The following PPP4R1 variants were observed in gnomAD, a reference collection of about 807,000 sequenced individuals.
PPP4R1 encodes the protein protein phosphatase 4 regulatory subunit 1.
A neutral mutation model predicts 111.2 loss-of-function variants in PPP4R1; 42 were observed. That is an observed-to-expected ratio of 0.38 (90% CI 0.29 to 0.49). The LOEUF (loss-of-function observed/expected upper bound fraction) is 0.49, where lower values mean the gene tolerates loss of function less well. Among genes scored for constraint, PPP4R1 ranks in the 20% least tolerant of loss-of-function variants. The pLI is 0.97. For missense variants in PPP4R1, 1,012 were observed against 1,161.6 expected (o/e 0.87, Z 1.87); for synonymous variants, 409 against 405.5 (o/e 1.01, Z -0.10).
At position 9,588,240 on chromosome 18, in the gene PPP4R1, G is replaced by A; in HGVS notation, c.439-5C>T. ...TGCCTGACTTGTTTTCCTCACCTAG[G>A]AGAAAAATAACAACACAAAGAAAGT... On this transcript the variant is annotated splice_region_variant and splice_polypyrimidine_tract_variant and intron_variant, in intron 5 of 19. Transcript: ENST00000400556. 2 of 1,611,324 alleles carry A rather than the reference G, an allele frequency of 1.2e-6. No individual in the cohort carries two copies. The highest frequency in any genetic ancestry group is 8.5e-7 in the Non-Finnish European group (1 of 1,179,058).
At chr18:9,587,290 T>C (rs2067132904) in intron 6 of PPP4R1, 1 of 152,248 alleles carries the variant, frequency 6.6e-6, no homozygotes, top group African/African-American at 2.4e-5. Flanking sequence ...AGGTACACTT[T>C]CCTTTGTAAG....
intron 15 of PPP4R1, among the ~76,000 whole-genome samples, chr18:9,556,168 A>G (rs2066580109): frequency 6.6e-6 from 1 of 150,896 alleles, no homozygotes; most frequent in South Asian, 2.1e-4. Flanking sequence ...TATGATCTAC[A>G]TAAAATATAA....
intron 10 of PPP4R1, among the ~76,000 whole-genome samples, chr18:9,575,888 G>C (rs2066928201): frequency 6.6e-6 from 1 of 152,206 alleles, no homozygotes; most frequent in African/African-American, 2.4e-5. Context: ...CAGAAGTTAT[G>C]TAACAGTCTT....
intron 16 of PPP4R1, chr18:9,551,380 C>T (rs944321254): frequency 3.5e-4 from 53 of 152,268 alleles, no homozygotes; most frequent in African/African-American, 1.1e-3. Context: ...GAAATCAGCT[C>T]GAATTGCAGT....
At position 9,577,210 on chromosome 18, in the gene PPP4R1, C is replaced by G; in HGVS notation, c.919-19G>C. ...GGCGAACCTAGGAAGATAAAAAGGA[C>G]AATAATAAAGGAATCATTTTGAAAA... On this transcript the variant is annotated intron_variant, in intron 9 of 19. Coordinates refer to ENST00000400556, the MANE Select transcript of PPP4R1 (RefSeq NM_001042388.3). The G allele has an allele frequency of 6.3e-7, 1 of 1,589,356 alleles. No individual in the cohort carries two copies. The highest frequency in any genetic ancestry group is 1.2e-5 in the South Asian group (1 of 86,398).
chr18:9,555,850 T>G (rs147418575), intron 15 of PPP4R1, among the ~76,000 whole-genome samples: 4 of 151,704 alleles, frequency 2.6e-5, no homozygotes, highest in East Asian at 1.9e-4. Context: ...ATCAGAAAAA[T>G]TTTAGGCCAG....
Position 9,577,109 on chromosome 18 carries a change from T to C in PPP4R1, c.1001A>G (p.Glu334Gly), listed in dbSNP as rs780567135. ...CATCTCTTCTGAACTTTTGCTTTCT[T>C]CTTTAAAATACTGGCCTGAGCTAGA... ...NPSSSGQYFK[E>G]ESKSSEEMSV... The change falls in exon 10 of 20, where the codon GAA becomes GGA. Residue 334 changes from glutamate to glycine, a missense_variant. Glu to Gly is a moderately conservative substitution (Grantham distance 98). Coordinates refer to ENST00000400556, the MANE Select transcript of PPP4R1 (RefSeq NM_001042388.3). 8 of 1,599,036 alleles carry C rather than the reference T, an allele frequency of 5.0e-6. No individual in the cohort carries two copies. The highest frequency in any genetic ancestry group is 6.0e-6 in the Non-Finnish European group (7 of 1,171,300).
At chr18:9,570,995 G>A (rs1175246193) in intron 10 of PPP4R1, among the ~76,000 whole-genome samples, 12 of 152,026 alleles carry the variant, frequency 7.9e-5, no homozygotes, top group Non-Finnish European at 1.8e-4. Context: ...AATAACTAAA[G>A]AAAAGTAGTG....
intron 11 of PPP4R1, among the ~76,000 whole-genome samples, chr18:9,564,337 ATTT>A (rs902218203): frequency 6.6e-6 from 1 of 152,226 alleles, no homozygotes; most frequent in African/African-American, 2.4e-5. Context: ...AAATTCAAAC[ATTT>A]TAAACAAAAC....
chr18:9,547,690 C>T lies in PPP4R1; in HGVS notation c.*99G>A. On this transcript the variant is annotated 3_prime_UTR_variant, in exon 20 of 20. Coordinates refer to ENST00000400556, the MANE Select transcript of PPP4R1 (RefSeq NM_001042388.3). The stretch of plus-strand genomic sequence containing the variant: ...AATGAAGTCCGCAGGAGAGGAAGGT[C>T]TCTCCTCCCCCGAAAGCTATCCCAG... The T allele has an allele frequency of 6.9e-7, 1 of 1,441,016 alleles. No homozygotes were observed. 89.3% of individuals were successfully genotyped at this position (1,441,016 alleles called of 1,614,324 possible).
intron 11 of PPP4R1, among the ~76,000 whole-genome samples, chr18:9,568,047 G>A (rs575524084): frequency 1.3e-3 from 194 of 152,176 alleles, no homozygotes; most frequent in African/African-American, 4.5e-3. Context: ...ATAAAATTCT[G>A]AGACTGGGTC....
intron 10 of PPP4R1, among the ~76,000 whole-genome samples, chr18:9,572,599 TA>T (rs1007630646): frequency 2.6e-5 from 4 of 152,152 alleles, no homozygotes; most frequent in Non-Finnish European, 5.9e-5. Context: ...ATACACACAA[TA>T]AAAGATGTTT....
chr18:9,563,258 T>TA, intron 12 of PPP4R1, 120 bp downstream of exon 12: 1 of 1,312,850 alleles, frequency 7.6e-7, no homozygotes, highest in Non-Finnish European at 1.0e-6. Flanking sequence ...AACGAAGAGC[T>TA]AAAAAATCAG....
upstream of PPP4R1, chr18:9,614,619 C>CGGGGCGGGCCGAG: frequency 2.6e-6 from 1 of 390,614 alleles, no homozygotes; most frequent in Non-Finnish European, 3.4e-6. The surrounding 1 kb of genome is among the most constrained non-coding windows in gnomAD (Gnocchi z 4.1). Flanking sequence ...GGCGCGCGCG[C>CGGGGCGGGCCGAG]GGGGCGGGCC....
intron 5 of PPP4R1, 138 bp downstream of exon 5, chr18:9,588,573 C>G (rs2067159344): frequency 9.1e-6 from 9 of 992,670 alleles, no homozygotes; most frequent in East Asian, 2.7e-5. Flanking sequence ...TTGTCAGACT[C>G]TAAACACATC....
intron 18 of PPP4R1, chr18:9,549,724 T>G: frequency 2.0e-6 from 1 of 489,266 alleles, no homozygotes; most frequent in Non-Finnish European, 3.7e-6. Context: ...CATGCATGTA[T>G]GTGCACTGTG....
At chr18:9,584,141 T>C (rs2067076898) in intron 8 of PPP4R1, among the ~76,000 whole-genome samples, 1 of 152,226 alleles carries the variant, frequency 6.6e-6, no homozygotes, top group Non-Finnish European at 1.5e-5. Context: ...TGGTGACTTA[T>C]ACATCAAGTA....
intron 2 of PPP4R1, among the ~76,000 whole-genome samples, 180 bp from the exon 3 acceptor site, chr18:9,595,333 A>G (rs748318828): frequency 6.6e-6 from 1 of 152,178 alleles, no homozygotes; most frequent in African/African-American, 2.4e-5. Context: ...TTTCCTACAG[A>G]TATGTTCTAC....
intron 16 of PPP4R1, among the ~76,000 whole-genome samples, chr18:9,552,453 C>G (rs1283225738): frequency 6.6e-6 from 1 of 152,124 alleles, no homozygotes; most frequent in East Asian, 1.9e-4. Flanking sequence ...TCATTACATA[C>G]CTCACAAATA....
Sources: gnomAD v4.1 joint callset for allele counts (sites outside exome capture counted in the v4.1 genomes callset) on GRCh38, gnomAD v4.1.1 for gene constraint, Gnocchi (gnomAD v3.1) non-coding constraint, MANE v1.5 for transcripts, NCBI Gene and HGNC (gene_info 2026-07-23, HGNC 2026-07-21) for gene names.